The following SLCO1B1 variants were observed in gnomAD, a reference collection of about 807,000 sequenced individuals.
SLCO1B1 encodes the protein OATP-2.
In SLCO1B1, 81 loss-of-function variants were observed where a neutral mutation model predicts 70.1. That is an observed-to-expected ratio of 1.16 (90% CI 0.97 to 1.39). The LOEUF (loss-of-function observed/expected upper bound fraction) is 1.39. SLCO1B1 is among the 40% of genes most tolerant of loss of function. SLCO1B1 has a pLI of 0.00. For missense variants in SLCO1B1, 895 were observed against 799.6 expected (o/e 1.12, Z -1.44); for synonymous variants, 283 against 271.5 (o/e 1.04, Z -0.42).
At position 21,143,233 on chromosome 12, in the gene SLCO1B1, G is replaced by T. The variant is rs572812005; in HGVS notation, c.84+1575G>T. ...TGGGAGAAAATTTTTTAAATAAAGG[G>T]TATTTTAATTTTTTATGAAGTTTGG... On this transcript the variant is annotated intron_variant, in intron 2 of 14. Coordinates refer to ENST00000256958, the MANE Select transcript of SLCO1B1 (RefSeq NM_006446.5). Among the ~76,000 whole-genome samples the T allele has an allele frequency of 9.9e-5, 15 of 151,978 alleles. No individual in the cohort carries two copies. The East Asian group carries it at 1.4e-3, about 14-fold the overall frequency.
At chr12:21,135,978 G>T (rs982774862) in intron 1 of SLCO1B1, among the ~76,000 whole-genome samples, 1 of 152,144 alleles carries the variant, frequency 6.6e-6, no homozygotes, top group African/African-American at 2.4e-5. Flanking sequence ...GGTACCAGTT[G>T]TTCCTTTCCA....
At chr12:21,203,473 C>T (rs1591819237) in intron 10 of SLCO1B1, among the ~76,000 whole-genome samples, 2 of 151,994 alleles carry the variant, frequency 1.3e-5, no homozygotes, top group Admixed American at 1.3e-4. Flanking sequence ...CAGAGATGCT[C>T]AGATCACAAT....
intron 2 of SLCO1B1, among the ~76,000 whole-genome samples, chr12:21,149,088 T>C (rs977413576): frequency 1.3e-5 from 2 of 152,220 alleles, no homozygotes; most frequent in African/African-American, 4.8e-5. Context: ...CCTGAGACTT[T>C]GCTGAAGTTG....
At chr12:21,213,979 A>G (rs1186319072) in intron 11 of SLCO1B1, among the ~76,000 whole-genome samples, 2 of 150,978 alleles carry the variant, frequency 1.3e-5, no homozygotes, top group African/African-American at 2.4e-5. Flanking sequence ...AATTTTTTTC[A>G]AAGTTTTCAA....
At chr12:21,181,665 T>G (rs11045826) in intron 7 of SLCO1B1, among the ~76,000 whole-genome samples, 1 of 152,080 alleles carries the variant, frequency 6.6e-6, no homozygotes, top group Non-Finnish European at 1.5e-5. Context: ...TTTCTTTTAT[T>G]ATGGTAAGAA....
At chr12:21,147,798 C>A (rs1940408519) in intron 2 of SLCO1B1, among the ~76,000 whole-genome samples, 2 of 151,628 alleles carry the variant, frequency 1.3e-5, no homozygotes, top group Admixed American at 6.6e-5. Context: ...ATACATTCAA[C>A]AATGGTTGAA....
intron 7 of SLCO1B1, among the ~76,000 whole-genome samples, chr12:21,180,732 A>G (rs1420043963): frequency 6.6e-6 from 1 of 152,202 alleles, no homozygotes; most frequent in Non-Finnish European, 1.5e-5. Context: ...GCCTTAGAGT[A>G]GCTACACATT....
At position 21,205,921 on chromosome 12, in the gene SLCO1B1, A is replaced by C. The variant is rs72559748; in HGVS notation, c.1385A>C (p.Asp462Ala). The change falls in exon 11 of 15, where the codon GAC becomes GCC. Residue 462 changes from aspartate (D) to alanine (A), a missense_variant. By Grantham distance (126) the Asp-to-Ala change is moderately radical. Transcript: ENST00000256958. ...RDVPLSYCNS[D>A]CNCDESQWEP... ...GTACCACTTTCTTATTGCAACTCAG[A>C]CTGCAATTGTGATGAAAGTCAATGG... 2.5e-6 allele frequency: 4 copies of C among 1,610,682 alleles called. No homozygotes were observed. The South Asian group carries it at 4.4e-5, about 18-fold the overall frequency.
intron 11 of SLCO1B1, among the ~76,000 whole-genome samples, chr12:21,214,958 C>T (rs904441142): frequency 2.0e-5 from 3 of 152,052 alleles, no homozygotes; most frequent in Admixed American, 6.5e-5. Context: ...CCTGCGCCCA[C>T]TGTCTGGCAC....
At chr12:21,222,524 A>G (rs1941441214) in intron 13 of SLCO1B1, among the ~76,000 whole-genome samples, 160 bp downstream of exon 13, 1 of 149,950 alleles carries the variant, frequency 6.7e-6, no homozygotes, top group Admixed American at 6.7e-5. Flanking sequence ...AAATAAAATT[A>G]GTATCCTTTC....
At chr12:21,139,169 G>A (rs1431691464) in intron 1 of SLCO1B1, among the ~76,000 whole-genome samples, 1 of 151,870 alleles carries the variant, frequency 6.6e-6, no homozygotes, top group East Asian at 1.9e-4. Context: ...GTCATACAGA[G>A]ATATTTGCTA....
intron 7 of SLCO1B1, among the ~76,000 whole-genome samples, chr12:21,186,464 T>A (rs79268502): frequency 6.6e-6 from 1 of 152,076 alleles, no homozygotes; most frequent in African/African-American, 2.4e-5. Context: ...TTATACTGTT[T>A]AGTGCAATAC....
intron 2 of SLCO1B1, among the ~76,000 whole-genome samples, chr12:21,171,873 C>A (rs1447251747): frequency 6.6e-6 from 1 of 151,928 alleles, no homozygotes; most frequent in Admixed American, 6.6e-5. Flanking sequence ...TAGAGGGAAT[C>A]CCTAATTTCT....
intron 4 of SLCO1B1, among the ~76,000 whole-genome samples, chr12:21,176,011 C>T (rs1028671915): frequency 6.6e-6 from 1 of 152,048 alleles, no homozygotes; most frequent in African/African-American, 2.4e-5. Flanking sequence ...CTTCCAGATT[C>T]GTTTTACCTG....
At chr12:21,131,707 G>C (rs2121014762) in intron 1 of SLCO1B1, among the ~76,000 whole-genome samples, 1 of 152,104 alleles carries the variant, frequency 6.6e-6, no homozygotes, top group Non-Finnish European at 1.5e-5. Context: ...GTGTCTCAAA[G>C]TCACATAACC....
chr12:21,208,757 G>A (rs1234647761), intron 11 of SLCO1B1, among the ~76,000 whole-genome samples: 1 of 152,040 alleles, frequency 6.6e-6, no homozygotes, highest in Admixed American at 6.6e-5. Context: ...CAATCCATGA[G>A]AGTAGAATGT....
chr12:21,206,666 G>A (rs776394944), intron 11 of SLCO1B1, among the ~76,000 whole-genome samples: 9 of 151,658 alleles, frequency 5.9e-5, no homozygotes, highest in African/African-American at 1.9e-4. Flanking sequence ...CATTTATTCC[G>A]TCCTGCAAAA....
intron 11 of SLCO1B1, among the ~76,000 whole-genome samples, chr12:21,206,447 C>T (rs960315161): frequency 2.0e-5 from 3 of 151,914 alleles, no homozygotes; most frequent in African/African-American, 7.2e-5. Context: ...ACTAAGACAA[C>T]AGTCAATATG....
intron 2 of SLCO1B1, among the ~76,000 whole-genome samples, chr12:21,160,186 A>G (rs1940597369): frequency 6.6e-6 from 1 of 152,074 alleles, no homozygotes; most frequent in South Asian, 2.1e-4. Context: ...CTAAGCAAAA[A>G]GAATAAAGCT....
Sources: gnomAD v4.1 joint callset for allele counts (sites outside exome capture counted in the v4.1 genomes callset) on GRCh38, gnomAD v4.1.1 for gene constraint, MANE v1.5 for transcripts, NCBI Gene and HGNC (gene_info 2026-07-23, HGNC 2026-07-21) for gene names.